Variants in BZW2 observed in about 807,000 individuals in gnomAD.
The protein encoded by BZW2 is basic leucine zipper and W2 domains 2.
Under a neutral mutation model 53.2 loss-of-function variants are expected in BZW2, and 23 were observed. The ratio of observed to expected loss-of-function variants is 0.43; its 90% confidence interval spans 0.31 to 0.61. The LOEUF (loss-of-function observed/expected upper bound fraction) is 0.61, where lower values mean the gene tolerates loss of function less well. BZW2 is among the 20% of genes least tolerant of loss of function. The probability of loss-of-function intolerance (pLI) is 0.09; values close to 1 mark genes in which losing one functional copy is unlikely to be tolerated. For synonymous variants in BZW2, 227 were observed against 186.4 expected (o/e 1.22, Z -1.77); for missense variants, 409 against 503.1 (o/e 0.81, Z 1.79).
chr7:16,656,590 C>T (rs1383594392), intron 1 of BZW2, among the ~76,000 whole-genome samples: 1 of 150,844 alleles, frequency 6.6e-6, no homozygotes, highest in Non-Finnish European at 1.5e-5. Flanking sequence ...CACACACACA[C>T]ACACACAAGT....
intron 1 of BZW2, among the ~76,000 whole-genome samples, chr7:16,649,402 A>G (rs1313200552): frequency 6.6e-6 from 1 of 152,232 alleles, no homozygotes; most frequent in Admixed American, 6.5e-5. Flanking sequence ...ACGCACAATC[A>G]TAACCAGAGG....
At chr7:16,665,555 A>C (rs545729746) in intron 2 of BZW2, 54 bp downstream of exon 2, 10 of 1,592,496 alleles carry the variant, frequency 6.3e-6, no homozygotes, top group Non-Finnish European at 8.6e-6. Context: ...AAAATATAAG[A>C]TTGGAGAAGA....
At chr7:16,698,297 G>A in intron 10 of BZW2, 111 bp downstream of exon 10, 1 of 1,383,096 alleles carries the variant, frequency 7.2e-7, no homozygotes, top group Non-Finnish European at 1.0e-6. Flanking sequence ...GAGAGGGACA[G>A]CAAGATGCTA....
chr7:16,654,083 CAAAAAAAAAAA>C (rs61590306), intron 1 of BZW2, among the ~76,000 whole-genome samples: 6 of 82,528 alleles, frequency 7.3e-5, no homozygotes, highest in East Asian at 3.8e-4. Context: ...CCCATCTCTA[CAAAAAAAAAAA>C]AAAAAAAAAA....
At chr7:16,669,262 A>T (rs1782529432) in intron 2 of BZW2, among the ~76,000 whole-genome samples, 1 of 152,190 alleles carries the variant, frequency 6.6e-6, no homozygotes, top group African/African-American at 2.4e-5. Context: ...AGTAGCTGGG[A>T]TTACAGGCGT....
rs1334220024 is a variant in BZW2, at chr7:16,673,110, C to T, written c.59-1302C>T. 3.9e-5 allele frequency among the ~76,000 whole-genome samples: 6 copies of T among 152,206 alleles called. No individual in the cohort carries two copies. The East Asian group carries it at 9.7e-4, about 25-fold the overall frequency. On this transcript the variant is annotated intron_variant, in intron 2 of 11. Transcript: ENST00000258761. ...AACAGGGGCCCGCCACCACCCCTGGCTAATTTTTTGTATTTTTAGTAGAGA... is the reference window on the plus strand; with the variant it reads ...AACAGGGGCCCGCCACCACCCCTGGTTAATTTTTTGTATTTTTAGTAGAGA...
intron 6 of BZW2, among the ~76,000 whole-genome samples, chr7:16,688,032 T>C (rs1317674528): frequency 6.8e-6 from 1 of 146,438 alleles, no homozygotes; most frequent in Non-Finnish European, 1.5e-5. Context: ...GCCGTTTTTG[T>C]TTTTTTTTTA....
intron 9 of BZW2, 52 bp downstream of exon 9, chr7:16,697,113 T>TTTTG (rs112462717): frequency 0.043 from 67,067 of 1,569,602 alleles, 1,938 homozygotes; most frequent in African/African-American, 0.15. Context: ...CTGCAGCTTT[T>TTTTG]TTTGTTTGTT....
chr7:16,655,722 C>G (rs1049029954), intron 1 of BZW2, among the ~76,000 whole-genome samples: 6 of 152,120 alleles, frequency 3.9e-5, no homozygotes, highest in African/African-American at 1.4e-4. Context: ...CTCTCTACTT[C>G]TGTGATACCA....
intron 11 of BZW2, 112 bp from the exon 12 acceptor site, chr7:16,705,948 G>A: frequency 8.3e-7 from 1 of 1,199,034 alleles, no homozygotes; most frequent in Non-Finnish European, 1.2e-6. Flanking sequence ...GGGTGCCTAG[G>A]GTAAAAGTAT....
intron 2 of BZW2, among the ~76,000 whole-genome samples, chr7:16,671,562 C>T (rs772452415): frequency 6.6e-6 from 1 of 152,072 alleles, no homozygotes; most frequent in Non-Finnish European, 1.5e-5. Flanking sequence ...ATGACTTACT[C>T]TTCAGTTATT....
intron 2 of BZW2, among the ~76,000 whole-genome samples, chr7:16,673,725 T>TTCCAGAGTCTTTTA (rs1045197384): frequency 1.3e-5 from 2 of 152,068 alleles, no homozygotes; most frequent in Non-Finnish European, 2.9e-5. Context: ...GTAATTAGGA[T>TTCCAGAGTCTTTTA]TCCAGAGTCT....
intron 10 of BZW2, among the ~76,000 whole-genome samples, chr7:16,699,935 T>A (rs987087717): frequency 1.3e-5 from 2 of 152,112 alleles, no homozygotes; most frequent in African/African-American, 4.8e-5. Flanking sequence ...AAGTAAGCAC[T>A]AGGAAGTAAA....
intron 7 of BZW2, 23 bp from the exon 8 acceptor site, chr7:16,694,811 G>T: frequency 6.7e-7 from 1 of 1,494,678 alleles, no homozygotes. Context: ...TTGTTTTATA[G>T]CAGTCTTTTT....
At chr7:16,655,656 C>T (rs190205601) in intron 1 of BZW2, among the ~76,000 whole-genome samples, 1 of 152,302 alleles carries the variant, frequency 6.6e-6, no homozygotes. Context: ...GTTCACCAAT[C>T]TTTCCCCATC....
intron 7 of BZW2, among the ~76,000 whole-genome samples, chr7:16,691,878 CTGTG>C (rs10611881): frequency 0.013 from 2,001 of 149,482 alleles, 30 homozygotes; most frequent in African/African-American, 0.041. Flanking sequence ...TTACTAGGTT[CTGTG>C]TGTGTGTGTG....
At chr7:16,698,216 CTG>C in intron 10 of BZW2, 30 bp downstream of exon 10, 1 of 1,613,086 alleles carries the variant, frequency 6.2e-7, no homozygotes, top group Non-Finnish European at 8.5e-7. Context: ...TGCTGTGCTT[CTG>C]TGTTTTGCTG....
chr7:16,677,525 A>T (rs190686102), intron 3 of BZW2, among the ~76,000 whole-genome samples: 1 of 152,274 alleles, frequency 6.6e-6, no homozygotes, highest in African/African-American at 2.4e-5. Context: ...GGGTGCCTTC[A>T]ATGTCATTAA....
chr7:16,660,397 A>G (rs1206871781), intron 1 of BZW2, among the ~76,000 whole-genome samples: 1 of 128,950 alleles, frequency 7.8e-6, no homozygotes, highest in Non-Finnish European at 1.6e-5. Context: ...GAGACTCCAT[A>G]TTTAAAAAAA....
Sources: allele counts gnomAD v4.1 joint callset (sites outside exome capture counted in the v4.1 genomes callset), GRCh38; gene constraint gnomAD v4.1.1; transcripts MANE v1.5; gene names NCBI Gene and HGNC (gene_info 2026-07-23, HGNC 2026-07-21).